Variants in FBXO41 observed in about 807,000 individuals in gnomAD.
FBXO41 encodes the protein F-box only protein 41.
In FBXO41, 33 loss-of-function variants were observed where a neutral mutation model predicts 81.6. The observed-to-expected ratio is 0.40, with a 90% confidence interval of 0.31 to 0.54. FBXO41 has a LOEUF of 0.54. Among genes scored for constraint, FBXO41 ranks in the 20% least tolerant of loss-of-function variants. The pLI, the probability that FBXO41 is intolerant of heterozygous loss-of-function variation, is 0.39. For synonymous variants in FBXO41, 576 were observed against 552.7 expected (o/e 1.04, Z -0.59); for missense variants, 1,107 against 1,236.0 (o/e 0.90, Z 1.56).
intron 1 of FBXO41, chr2:73,272,204 G>A (rs553558467): frequency 6.6e-6 from 1 of 152,292 alleles, no homozygotes; most frequent in African/African-American, 2.4e-5. Flanking sequence ...GGAACATTAG[G>A]GGATTTGTAG....
At chr2:73,272,666 G>T (rs1214460334) in intron 1 of FBXO41, among the ~76,000 whole-genome samples, 1 of 152,200 alleles carries the variant, frequency 6.6e-6, no homozygotes, top group Non-Finnish European at 1.5e-5. Context: ...CCAGTTAGAG[G>T]CTGCAGAACC....
At chr2:73,267,406 T>C (rs1161555132) in intron 2 of FBXO41, among the ~76,000 whole-genome samples, 1 of 152,210 alleles carries the variant, frequency 6.6e-6, no homozygotes, top group Non-Finnish European at 1.5e-5. Context: ...TACTGATAGT[T>C]TGCACCAACT....
chr2:73,263,812 C>G lies in FBXO41; in HGVS notation c.1941G>C (p.Gly647=), dbSNP rs1259390292. ...ARSTRGCLEA[G]LESLLKAAGG... ...CAGCTGCCTTCAGCAGGGACTCCAG[C>G]CCAGCTTCCAGGCAGCCCCTGGGGA... The change falls in exon 8 of 13, where the codon GGG becomes GGC. Residue 647 remains glycine, a synonymous_variant. Transcript: ENST00000520530. 6.2e-7 allele frequency: 1 copy of G among 1,614,044 alleles called. No individual in the cohort carries two copies. Among genetic ancestry groups the G allele is most frequent in the Admixed American group, 1.7e-5 (1 of 60,026 alleles).
In FBXO41 at chr2:73,261,378, A is replaced by G. The variant is rs568870684; in HGVS notation, c.2172-520T>C. ...CGGCCTTAAGTACTCTTGAACCCAC[A>G]GTTCAGACCACCATTGGCATTCTCT... is the stretch of plus-strand genomic sequence containing the variant. On this transcript the variant is annotated intron_variant, in intron 9 of 12. Coordinates refer to ENST00000520530, the MANE Select transcript of FBXO41 (RefSeq NM_001371389.2). Among the ~76,000 whole-genome samples, 5 of 152,222 alleles carry G rather than the reference A, an allele frequency of 3.3e-5. No individual in the cohort carries two copies. In the East Asian group the frequency reaches 9.7e-4, roughly 29 times the overall value.
At position 73,269,349 on chromosome 2, in the gene FBXO41, C is replaced by A; in HGVS notation, c.282G>T (p.Gln94His). 6.6e-7 allele frequency: 1 copy of A among 1,516,126 alleles called. No individual in the cohort carries two copies. The highest frequency in any genetic ancestry group is 8.8e-7 in the Non-Finnish European group (1 of 1,133,734). 93.9% of individuals were successfully genotyped at this position (1,516,126 alleles called of 1,614,324 possible). A position where few individuals can be genotyped will look rare whatever the true frequency, so the allele number is the denominator to read the frequency against. Residue 94 changes from glutamine to histidine, a missense_variant, in exon 2 of 13, where the codon CAG becomes CAT. Around this residue, in one of 2 missense-constraint regions of FBXO41, gnomAD observed 771 missense variants for 789.2 expected, o/e 0.98. Transcript: ENST00000520530. This position sits in a 1 kb window ranked among gnomAD's most constrained non-coding sequence, Gnocchi z 7.0. ...FESTSFQGKEQAAGPSPAAPH... is the reference protein window; with the variant it reads ...FESTSFQGKEHAAGPSPAAPH... ...GCGCCGCGGGCGACGGCCCGGCCGC[C>A]TGCTCCTTGCCCTGGAAGGAAGTGC...
intron 1 of FBXO41, among the ~76,000 whole-genome samples, chr2:73,275,687 C>T (rs368416186): frequency 1.9e-4 from 29 of 152,306 alleles, no homozygotes; most frequent in South Asian, 6.2e-4. Flanking sequence ...TACTTCCCTG[C>T]GTCACACTTG....
chr2:73,275,782 A>G (rs1469694547), intron 1 of FBXO41, among the ~76,000 whole-genome samples: 1 of 151,452 alleles, frequency 6.6e-6, no homozygotes, highest in African/African-American at 2.5e-5. Flanking sequence ...ATGTGAGACA[A>G]GCCTTAACTT....
intron 2 of FBXO41, among the ~76,000 whole-genome samples, chr2:73,267,572 T>C (rs1485408218): frequency 6.6e-6 from 1 of 152,228 alleles, no homozygotes; most frequent in Admixed American, 6.5e-5. Flanking sequence ...AGTGAACAAC[T>C]CCTGTCTTTA....
At chr2:73,280,987 AC>A (rs1688831038) in intron 1 of FBXO41, among the ~76,000 whole-genome samples, 1 of 152,210 alleles carries the variant, frequency 6.6e-6, no homozygotes, top group Admixed American at 6.5e-5. Context: ...TCCAAGAATC[AC>A]CTTGAATAAC....
chr2:73,265,212 G>C (rs1433295568), intron 5 of FBXO41, 70 bp downstream of exon 5: 9 of 1,404,720 alleles, frequency 6.4e-6, no homozygotes, highest in African/African-American at 4.2e-5. Context: ...GAAAGGGGAG[G>C]GGGGTGCAGG....
chr2:73,260,061 C>T lies in FBXO41; in HGVS notation c.2449+328G>A, dbSNP rs1022341176. Among the ~76,000 whole-genome samples the T allele has an allele frequency of 2.1e-4, 32 of 152,086 alleles. No homozygotes were observed. The highest frequency in any genetic ancestry group is 7.5e-4 in the African/African-American group (31 of 41,378). On this transcript the variant is annotated intron_variant, in intron 11 of 12. Coordinates refer to ENST00000520530, the MANE Select transcript of FBXO41 (RefSeq NM_001371389.2). The surrounding 1 kb of genome is among the most constrained non-coding windows in gnomAD (Gnocchi z 5.0). ...TGGAGTCCAGGGAGAGAGGAGTCTT[C>T]ACCCTGAGAACTGTCCTTGGGGGGG...
chr2:73,257,142 G>A lies in FBXO41; in HGVS notation c.*1840C>T, dbSNP rs1687844683. On this transcript the variant is annotated 3_prime_UTR_variant, in exon 13 of 13. Coordinates refer to ENST00000520530, the MANE Select transcript of FBXO41 (RefSeq NM_001371389.2). The surrounding 1 kb of genome is among the most constrained non-coding windows in gnomAD (Gnocchi z 4.6). ...TGTGCTGCTTTTTCCTGACCCCTGA[G>A]GACAGGGCTGGTGCAGGGAGAAGCC... The A allele has an allele frequency of 6.5e-6, 1 of 153,000 alleles. No homozygotes were observed. Among genetic ancestry groups the A allele is most frequent in the Admixed American group, 6.5e-5 (1 of 15,288 alleles). The allele number at this position is 153,000 out of a possible 1,614,324, so 9.5% of individuals were successfully genotyped here.
chr2:73,264,313 T>C lies in FBXO41; in HGVS notation c.1771A>G (p.Arg591Gly). Residue 591 changes from arginine (R) to glycine (G), a missense_variant, in exon 6 of 13, where the codon AGG (arginine) becomes GGG (glycine). Around this residue, in one of 2 missense-constraint regions of FBXO41, gnomAD observed 336 missense variants for 446.7 expected, o/e 0.75. Transcript: ENST00000520530. ...FVARHPAVWT[R>G]VLLENARVCS... ...ACACGGGCATTCTCAAGCAGCACCC[T>C]TGTCCAGACTGCGGGGTGGCGGGCC... The C allele has an allele frequency of 6.2e-7, 1 of 1,613,602 alleles. No individual in the cohort carries two copies. Among genetic ancestry groups the C allele is most frequent in the Non-Finnish European group, 8.5e-7 (1 of 1,179,888 alleles).
At chr2:73,272,274 G>A (rs2103897850) in intron 1 of FBXO41, 1 of 152,346 alleles carries the variant, frequency 6.6e-6, no homozygotes, top group South Asian at 2.1e-4. Context: ...CAACAAGCAA[G>A]AGACACACTC....
chr2:73,270,919 G>T, intron 1 of FBXO41: 1 of 534,540 alleles, frequency 1.9e-6, no homozygotes. Flanking sequence ...TTGTCATCAA[G>T]GGTCTTCACC....
rs1454480932 is a variant in FBXO41 at position 73,271,285 on chromosome 2, G to A, written c.-138-1517C>T. The A allele has an allele frequency of 1.1e-5, 3 of 265,702 alleles. No individual in the cohort carries two copies. The Admixed American group carries it at 1.5e-4, about 13-fold the overall frequency. The allele number at this position is 265,702 out of a possible 1,614,324, so 16.5% of individuals were successfully genotyped here. A position where few individuals can be genotyped will look rare whatever the true frequency, so the allele number is the denominator to read the frequency against. On this transcript the variant is annotated intron_variant, in intron 1 of 12. Coordinates refer to ENST00000520530, the MANE Select transcript of FBXO41 (RefSeq NM_001371389.2). ...GTAACAGCACCCTGCTTTGACCATA[G>A]GGAACCATCCTTCCCCACTTTCTCA... is the stretch of plus-strand genomic sequence containing the variant.
chr2:73,274,650 C>T (rs987399533), intron 1 of FBXO41, among the ~76,000 whole-genome samples: 1 of 152,102 alleles, frequency 6.6e-6, no homozygotes, highest in Non-Finnish European at 1.5e-5. Context: ...AAACAAATAG[C>T]CCTAATACCA....
Position 73,269,711 on chromosome 2 carries a change from G to A in FBXO41, c.-81C>T, listed in dbSNP as rs1688429708. On this transcript the variant is annotated 5_prime_UTR_variant, in exon 2 of 13. Coordinates refer to ENST00000520530, the MANE Select transcript of FBXO41 (RefSeq NM_001371389.2). The surrounding 1 kb of genome is among the most constrained non-coding windows in gnomAD (Gnocchi z 7.0). ...CGGGCGCGCTCATGGGGGACCGCGG[G>A]CGAGGCCCCCTGCGGGGTCAGGAAG... 8 of 1,031,394 alleles carry A rather than the reference G, an allele frequency of 7.8e-6. No homozygotes were observed. The highest frequency in any genetic ancestry group is 1.7e-5 in the African/African-American group (1 of 58,270). 63.9% of individuals were successfully genotyped at this position (1,031,394 alleles called of 1,614,324 possible). A position where few individuals can be genotyped will look rare whatever the true frequency, so the allele number is the denominator to read the frequency against.
intron 5 of FBXO41, among the ~76,000 whole-genome samples, chr2:73,264,970 G>A (rs1035447888): frequency 3.9e-5 from 6 of 152,074 alleles, no homozygotes; most frequent in Non-Finnish European, 8.8e-5. Flanking sequence ...AATACGGTGG[G>A]GGGCCTCTCC....
Sources: gnomAD v4.1 joint callset for allele counts (sites outside exome capture counted in the v4.1 genomes callset) on GRCh38, gnomAD v4.1.1 for gene constraint, gnomAD v4.1.1 regional missense constraint, Gnocchi (gnomAD v3.1) non-coding constraint, MANE v1.5 for transcripts, NCBI Gene and HGNC (gene_info 2026-07-23, HGNC 2026-07-21) for gene names.